NUDT3: variants seen among roughly 807,000 people sequenced by gnomAD.
The protein encoded by NUDT3 is nudix hydrolase 3, also known as diphosphoinositol polyphosphate phosphohydrolase 1.
A neutral mutation model predicts 23.6 loss-of-function variants in NUDT3; 9 were observed. That is an observed-to-expected ratio of 0.38 (90% CI 0.23 to 0.66). NUDT3 has a LOEUF of 0.66. Among genes scored for constraint, NUDT3 ranks in the 30% least tolerant of loss-of-function variants. The pLI, the probability that NUDT3 is intolerant of heterozygous loss-of-function variation, is 0.52. For synonymous variants in NUDT3, 86 were observed against 82.6 expected (o/e 1.04, Z -0.22); for missense variants, 172 against 218.5 (o/e 0.79, Z 1.34).
chr6:34,355,858 T>C (rs1172164991), intron 1 of NUDT3, among the ~76,000 whole-genome samples: 8 of 152,134 alleles, frequency 5.3e-5, no homozygotes, highest in Admixed American at 5.2e-4. Context: ...GCTGAACATG[T>C]GAAGGTCCCT....
intron 1 of NUDT3, among the ~76,000 whole-genome samples, chr6:34,359,799 T>C (rs1764619290): frequency 1.3e-5 from 2 of 152,200 alleles, no homozygotes; most frequent in Admixed American, 1.3e-4. Context: ...ATGAAACTGC[T>C]GGATCAAACA....
chr6:34,307,026 C>T (rs1763691631), intron 2 of NUDT3, among the ~76,000 whole-genome samples: 1 of 152,004 alleles, frequency 6.6e-6, no homozygotes, highest in South Asian at 2.1e-4. Flanking sequence ...GAAGAGGAGT[C>T]TATTAAAAGC....
chr6:34,312,250 A>G lies in NUDT3; in HGVS notation c.211-16565T>C, dbSNP rs1409728123. On this transcript the variant is annotated intron_variant, in intron 2 of 4. Coordinates refer to ENST00000607016, the MANE Select transcript of NUDT3 (RefSeq NM_006703.4). ...AACCCCGTCTCTACTAAAAATACAA[A>G]AATTAGCCGAGTGTGGTGGTGCGCG... is the stretch of plus-strand genomic sequence containing the variant. 7.9e-5 allele frequency among the ~76,000 whole-genome samples: 12 copies of G among 152,038 alleles called. No homozygotes were observed. In the East Asian group the frequency reaches 2.3e-3, roughly 29 times the overall value.
At chr6:34,391,325 T>C (rs1765195555) in intron 1 of NUDT3, among the ~76,000 whole-genome samples, 1 of 152,200 alleles carries the variant, frequency 6.6e-6, no homozygotes, top group Non-Finnish European at 1.5e-5. Context: ...TTTACCACCA[T>C]GCACACGAGA....
chr6:34,386,819 T>C (rs1177175864), intron 1 of NUDT3, among the ~76,000 whole-genome samples: 1 of 152,150 alleles, frequency 6.6e-6, no homozygotes, highest in Admixed American at 6.5e-5. Flanking sequence ...GCCGGTCATA[T>C]AAAAGTCTAG....
rs1356944310 is a variant in NUDT3 at position 34,287,295 on chromosome 6, T to C, written c.*1458A>G. 2.0e-5 allele frequency: 3 copies of C among 152,076 alleles called. No homozygotes were observed. The highest frequency in any genetic ancestry group is 7.2e-5 in the African/African-American group (3 of 41,434). The allele number at this position is 152,076 out of a possible 1,614,324, so 9.4% of individuals were successfully genotyped here. On this transcript the variant is annotated 3_prime_UTR_variant, in exon 5 of 5. Transcript: ENST00000607016. ...AGATGCCACTGGAGTACAGAGATAATCTCCTGTCTTAAGCCACGGATCAGT... is the reference window on the plus strand; with the variant it reads ...AGATGCCACTGGAGTACAGAGATAACCTCCTGTCTTAAGCCACGGATCAGT...
chr6:34,380,355 T>C (rs1764993895), intron 1 of NUDT3, among the ~76,000 whole-genome samples: 2 of 151,992 alleles, frequency 1.3e-5, no homozygotes, highest in Admixed American at 1.3e-4. Context: ...CCCAGCCCTA[T>C]TTATTTTTTT....
intron 1 of NUDT3, among the ~76,000 whole-genome samples, chr6:34,373,648 C>G (rs1193235063): frequency 6.6e-6 from 1 of 152,028 alleles, no homozygotes; most frequent in Non-Finnish European, 1.5e-5. Context: ...CAAAATGTGC[C>G]AAAAATATCC....
intron 1 of NUDT3, among the ~76,000 whole-genome samples, chr6:34,380,260 C>G (rs1431044051): frequency 6.6e-6 from 1 of 152,070 alleles, no homozygotes; most frequent in African/African-American, 2.4e-5. Flanking sequence ...CCATGTTGAC[C>G]AAGCTGGTCT....
chr6:34,305,151 TTTTTAA>T (rs967694419), intron 2 of NUDT3, among the ~76,000 whole-genome samples: 5 of 151,774 alleles, frequency 3.3e-5, no homozygotes, highest in African/African-American at 1.2e-4. Flanking sequence ...CCTGGCTAAT[TTTTTAA>T]TTTTTAGTAG....
chr6:34,361,575 T>C (rs1190148136), intron 1 of NUDT3, among the ~76,000 whole-genome samples: 1 of 152,218 alleles, frequency 6.6e-6, no homozygotes, highest in Non-Finnish European at 1.5e-5. Context: ...CCTGCACATG[T>C]ATGTTTATAG....
At chr6:34,297,760 A>ATTTTTTT (rs1348385184) in intron 2 of NUDT3, among the ~76,000 whole-genome samples, 6 of 53,626 alleles carry the variant, frequency 1.1e-4, no homozygotes, top group African/African-American at 4.2e-4. Context: ...TATATATATA[A>ATTTTTTT]TTTTTTTTTT....
intron 2 of NUDT3, among the ~76,000 whole-genome samples, chr6:34,305,562 T>A (rs1763667665): frequency 6.6e-6 from 1 of 152,218 alleles, no homozygotes; most frequent in African/African-American, 2.4e-5. Context: ...CCTTTCCTTG[T>A]TATTTCTGTC....
In NUDT3 at chr6:34,320,282, G is replaced by C. The variant is rs111447616; in HGVS notation, c.210+21580C>G. On this transcript the variant is annotated intron_variant, in intron 2 of 4. Transcript: ENST00000607016. Reference sequence around the variant, plus strand: ...GTATGGTTGCCTGGGCTGGAGTGCAGTGCTGTGATCTCGGCTCACTGCAAC... The same window carrying C: ...GTATGGTTGCCTGGGCTGGAGTGCACTGCTGTGATCTCGGCTCACTGCAAC... 8.5e-3 allele frequency among the ~76,000 whole-genome samples: 1,288 copies of C among 152,156 alleles called. 18 individuals carry two copies. The highest frequency in any genetic ancestry group is 0.027 in the African/African-American group (1,109 of 41,528).
chr6:34,333,053 C>T (rs1345846905), intron 2 of NUDT3, among the ~76,000 whole-genome samples: 1 of 152,162 alleles, frequency 6.6e-6, no homozygotes, highest in Non-Finnish European at 1.5e-5. Context: ...ACAGCTTCTG[C>T]TGCCCTAGTC....
At position 34,313,225 on chromosome 6, in the gene NUDT3, C is replaced by A. The variant is rs576702358; in HGVS notation, c.211-17540G>T. The stretch of plus-strand genomic sequence containing the variant: ...TAAAGACATGGAGGAATCTTAAATG[C>A]GTATTACTAAGTGGAAGAAGTCAAT... On this transcript the variant is annotated intron_variant, in intron 2 of 4. Coordinates refer to ENST00000607016, the MANE Select transcript of NUDT3 (RefSeq NM_006703.4). Among the ~76,000 whole-genome samples, 10 of 151,964 alleles carry A rather than the reference C, an allele frequency of 6.6e-5. No individual in the cohort carries two copies. The South Asian group carries it at 1.0e-3, about 16-fold the overall frequency.
chr6:34,318,026 T>C (rs1054979164), intron 2 of NUDT3, among the ~76,000 whole-genome samples: 5 of 152,166 alleles, frequency 3.3e-5, no homozygotes, highest in African/African-American at 1.2e-4. Flanking sequence ...GTTTAAAAGC[T>C]GAAAATAAAC....
chr6:34,299,008 GCTTAC>G (rs1388567430), intron 2 of NUDT3, among the ~76,000 whole-genome samples: 1 of 152,180 alleles, frequency 6.6e-6, no homozygotes, highest in African/African-American at 2.4e-5. Flanking sequence ...CTCCCAGACA[GCTTAC>G]CTTAACTATC....
chr6:34,294,397 C>T (rs1345156155), intron 3 of NUDT3, among the ~76,000 whole-genome samples: 9 of 151,964 alleles, frequency 5.9e-5, no homozygotes, highest in Non-Finnish European at 1.2e-4. Context: ...GCTGGGATTA[C>T]AGGCATGAGC....
Sources: gnomAD v4.1 joint callset for allele counts (sites outside exome capture counted in the v4.1 genomes callset) on GRCh38, gnomAD v4.1.1 for gene constraint, MANE v1.5 for transcripts, NCBI Gene and HGNC (gene_info 2026-07-23, HGNC 2026-07-21) for gene names.